MIA2: variants seen among roughly 807,000 people sequenced by gnomAD.
MIA2 encodes the protein melanoma inhibitory activity protein 2.
A neutral mutation model predicts 167.8 loss-of-function variants in MIA2; 127 were observed. That is an observed-to-expected ratio of 0.76 (90% CI 0.66 to 0.88). The LOEUF is 0.88. Ranked by LOEUF, MIA2 falls within the 40% of genes least tolerant of loss-of-function variation. The pLI, the probability that MIA2 is intolerant of heterozygous loss-of-function variation, is 0.00. For synonymous variants in MIA2, 552 were observed against 541.9 expected, an observed-to-expected ratio of 1.02 and a Z score of -0.26; for missense variants, 1,690 against 1,624.7, an observed-to-expected ratio of 1.04 and a Z score of -0.69.
chr14:39,314,551 G>A (rs572698596), intron 19 of MIA2, among the ~76,000 whole-genome samples, 188 bp from the exon 20 acceptor site: 138 of 149,230 alleles, frequency 9.2e-4, no homozygotes, highest in African/African-American at 3.4e-3. Flanking sequence ...AATTAGTTTA[G>A]GAAAAAATAT....
chr14:39,283,913 T>C (rs2059285439), intron 9 of MIA2, among the ~76,000 whole-genome samples: 2 of 152,208 alleles, frequency 1.3e-5, no homozygotes, highest in Admixed American at 1.3e-4. Flanking sequence ...TAACCCCTTA[T>C]CTGATATATT....
At chr14:39,377,333 A>G (rs2055065111) in intron 23 of MIA2, among the ~76,000 whole-genome samples, 3 of 152,122 alleles carry the variant, frequency 2.0e-5, no homozygotes, top group East Asian at 3.8e-4. Flanking sequence ...GTTTATGTAT[A>G]TAAATAGGTT....
chr14:39,314,984 T>C (rs896188731), intron 20 of MIA2, 185 bp downstream of exon 20: 1 of 463,678 alleles, frequency 2.2e-6, no homozygotes, highest in Non-Finnish European at 3.6e-6. Context: ...AGAAATCTTA[T>C]TTAAAATTGC....
chr14:39,260,134 G>A (rs1260940332), intron 6 of MIA2, among the ~76,000 whole-genome samples: 1 of 152,118 alleles, frequency 6.6e-6, no homozygotes, highest in Non-Finnish European at 1.5e-5. Flanking sequence ...TTGGTTCCAA[G>A]TCTGCTATTG....
intron 18 of MIA2, among the ~76,000 whole-genome samples, chr14:39,310,172 G>A (rs985336941): frequency 6.6e-6 from 1 of 152,118 alleles, no homozygotes; most frequent in Non-Finnish European, 1.5e-5. Context: ...TGCCCAATGT[G>A]CATGTTCCCA....
chr14:39,326,066 G>T (rs1418982349), intron 24 of MIA2, among the ~76,000 whole-genome samples: 1 of 152,156 alleles, frequency 6.6e-6, no homozygotes. Context: ...CGTAAGAAGG[G>T]AACTTTAAAA....
intron 6 of MIA2, among the ~76,000 whole-genome samples, chr14:39,268,375 G>A (rs1333065504): frequency 6.6e-6 from 1 of 151,972 alleles, no homozygotes; most frequent in Non-Finnish European, 1.5e-5. Context: ...TATGAAAAGA[G>A]CACCTTTATG....
chr14:39,272,204 TAGCTG>T (rs1370773036), intron 6 of MIA2, among the ~76,000 whole-genome samples: 1 of 151,866 alleles, frequency 6.6e-6, no homozygotes, highest in African/African-American at 2.4e-5. Context: ...TACAAAAAAT[TAGCTG>T]AGCATGGTGG....
Position 39,246,241 on chromosome 14 carries a change from C to T in MIA2, c.337-670C>T, listed in dbSNP as rs1026686001. 3.3e-5 allele frequency among the ~76,000 whole-genome samples: 5 copies of T among 151,934 alleles called. No homozygotes were observed. In the South Asian group the frequency reaches 6.2e-4, roughly 19 times the overall value. On this transcript the variant is annotated intron_variant, in intron 3 of 28. Transcript: ENST00000640607. ...CCTCCTGAGTAGCTGGGACTACAGG[C>T]GCCCACCACCATGCCTGGCTAATTT...
At chr14:39,355,743 T>C (rs1461248878), downstream of MIA2, among the ~76,000 whole-genome samples, 2 of 152,222 alleles carry the variant, frequency 1.3e-5, no homozygotes, top group Admixed American at 1.3e-4. Flanking sequence ...ACCTAATTTA[T>C]TGAGAGTTTT....
rs2062602084 is a variant in MIA2, at chr14:39,302,052, A to C, written c.2620-77A>C. The C allele has an allele frequency of 3.4e-6, 5 of 1,480,332 alleles. No individual in the cohort carries two copies. In the Admixed American group the frequency reaches 1.1e-4, roughly 31 times the overall value. 91.7% of individuals were successfully genotyped at this position (1,480,332 alleles called of 1,614,324 possible). A position where few individuals can be genotyped will look rare whatever the true frequency, so the allele number is the denominator to read the frequency against. ...TATGTGGACTGATTTTTAAACTATA[A>C]CTGTACATTCACAAGTTGTAAAGCT... On this transcript the variant is annotated intron_variant, in intron 14 of 28. Transcript: ENST00000640607.
intron 23 of MIA2, among the ~76,000 whole-genome samples, chr14:39,364,426 G>T (rs2074770528): frequency 6.8e-6 from 1 of 147,626 alleles, no homozygotes; most frequent in Non-Finnish European, 1.5e-5. Flanking sequence ...AGTTTATTGT[G>T]GTTTGTTGGT....
intron 6 of MIA2, among the ~76,000 whole-genome samples, chr14:39,257,077 A>C (rs146676225): frequency 9.3e-4 from 141 of 152,250 alleles, no homozygotes; most frequent in Non-Finnish European, 1.9e-3. Flanking sequence ...TGGGTTAGAG[A>C]GTTCTGTAGA....
At chr14:39,286,705 T>TG in intron 9 of MIA2, among the ~76,000 whole-genome samples, 1 of 150,894 alleles carries the variant, frequency 6.6e-6, no homozygotes, top group Admixed American at 6.6e-5. Flanking sequence ...ACTTTTTTTT[T>TG]TTTTTTGAGA....
intron 4 of MIA2, among the ~76,000 whole-genome samples, chr14:39,249,950 A>G (rs2054486133): frequency 6.6e-6 from 1 of 152,194 alleles, no homozygotes; most frequent in African/African-American, 2.4e-5. Context: ...ATCCTCAACC[A>G]ACATATAGAT....
chr14:39,321,345 G>C (rs989290019), intron 24 of MIA2, among the ~76,000 whole-genome samples: 1 of 151,728 alleles, frequency 6.6e-6, no homozygotes, highest in Non-Finnish European at 1.5e-5. Flanking sequence ...ATGGAGTCTT[G>C]CTCTTTCACC....
intron 23 of MIA2, among the ~76,000 whole-genome samples, chr14:39,382,162 C>T (rs1000606899): frequency 6.6e-6 from 1 of 152,218 alleles, no homozygotes; most frequent in South Asian, 2.1e-4. Flanking sequence ...TTGTTGGAAG[C>T]GAGTAAAACT....
chr14:39,329,379 A>G (rs752163260), intron 25 of MIA2, among the ~76,000 whole-genome samples: 2 of 152,190 alleles, frequency 1.3e-5, no homozygotes, highest in African/African-American at 4.8e-5. Flanking sequence ...GGGGTTTTCT[A>G]AATATACAAT....
At chr14:39,379,205 G>T (rs1319472558) in intron 23 of MIA2, among the ~76,000 whole-genome samples, 3 of 151,962 alleles carry the variant, frequency 2.0e-5, no homozygotes, top group Admixed American at 1.3e-4. Flanking sequence ...CTGACATGGG[G>T]CCCAGATGCT....
Sources: gnomAD v4.1 joint callset for allele counts (sites outside exome capture counted in the v4.1 genomes callset) on GRCh38, gnomAD v4.1.1 for gene constraint, MANE v1.5 for transcripts, NCBI Gene and HGNC (gene_info 2026-07-23, HGNC 2026-07-21) for gene names.